MACC1: variants seen among roughly 807,000 people sequenced by gnomAD.
MACC1 encodes the protein MET transcriptional regulator MACC1, also known as metastasis-associated in colon cancer protein 1.
Under a neutral mutation model 70.7 loss-of-function variants are expected in MACC1, and 79 were observed. That is an observed-to-expected ratio of 1.12 (90% CI 0.93 to 1.35). MACC1 has a LOEUF of 1.35. Ranked by LOEUF, MACC1 falls within the 40% of genes most tolerant of loss-of-function variation. The probability of loss-of-function intolerance (pLI) is 0.00; values close to 1 mark genes in which losing one functional copy is unlikely to be tolerated. For missense variants in MACC1, 1,106 were observed against 978.1 expected, an observed-to-expected ratio of 1.13 and a Z score of -1.74; for synonymous variants, 361 against 347.2, an observed-to-expected ratio of 1.04 and a Z score of -0.44.
At chr7:20,198,176 A>G (rs978516546) in intron 1 of MACC1, among the ~76,000 whole-genome samples, 1 of 152,196 alleles carries the variant, frequency 6.6e-6, no homozygotes, top group Admixed American at 6.5e-5. Flanking sequence ...AGGGCATGTG[A>G]TATGTGGGTA....
At position 20,159,297 on chromosome 7, in the gene MACC1, A is replaced by G; in HGVS notation, c.1064T>C (p.Leu355Pro). The G allele has an allele frequency of 6.2e-7, 1 of 1,614,068 alleles. No homozygotes were observed. Among genetic ancestry groups the G allele is most frequent in the Non-Finnish European group, 8.5e-7 (1 of 1,180,008 alleles). ...CCAAATGGTGGCAGCTGGTGACGGA[A>G]GAGCTTTAGCTTGTGCAGCAACCAC... is the stretch of plus-strand genomic sequence containing the variant. ...YLVVAAQAKA[L>P]PSPAATIWDY... The change falls in exon 5 of 7, where the codon CTT becomes CCT. Residue 355 changes from leucine to proline, a missense_variant. Leu to Pro is a moderately conservative substitution (Grantham distance 98, BLOSUM62 -3). Transcript: ENST00000400331.
At chr7:20,177,292 A>T (rs1782408815) in intron 1 of MACC1, among the ~76,000 whole-genome samples, 1 of 152,184 alleles carries the variant, frequency 6.6e-6, no homozygotes, top group African/African-American at 2.4e-5. Context: ...TTTGTATCTA[A>T]TTATATCAAC....
At chr7:20,157,783 A>G (rs1287680502) in intron 5 of MACC1, among the ~76,000 whole-genome samples, 1 of 151,298 alleles carries the variant, frequency 6.6e-6, no homozygotes, top group Non-Finnish European at 1.5e-5. Flanking sequence ...AAAAAAAAAA[A>G]AAAAAGAAAG....
At chr7:20,144,753 G>A (rs559048335) in intron 6 of MACC1, among the ~76,000 whole-genome samples, 1 of 152,028 alleles carries the variant, frequency 6.6e-6, no homozygotes, top group Non-Finnish European at 1.5e-5. Context: ...GACAGACAAG[G>A]GTTTAGCATC....
intron 2 of MACC1, among the ~76,000 whole-genome samples, chr7:20,169,413 A>G (rs1782267947): frequency 6.6e-6 from 1 of 152,230 alleles, no homozygotes; most frequent in African/African-American, 2.4e-5. Flanking sequence ...AAAGGTATAA[A>G]GATCAACCCC....
intron 6 of MACC1, among the ~76,000 whole-genome samples, chr7:20,150,166 A>T (rs1251597819): frequency 4.6e-5 from 7 of 152,222 alleles, no homozygotes; most frequent in African/African-American, 1.4e-4. Flanking sequence ...TTCAAATATT[A>T]ACAGTTTATC....
chr7:20,183,775 C>A (rs1020995562), intron 1 of MACC1, among the ~76,000 whole-genome samples: 1 of 146,066 alleles, frequency 6.8e-6, no homozygotes, highest in Admixed American at 7.0e-5. Context: ...GTGGCATGAT[C>A]TCACCTCACT....
intron 1 of MACC1, among the ~76,000 whole-genome samples, chr7:20,177,086 A>T (rs1782404729): frequency 6.6e-6 from 1 of 152,128 alleles, no homozygotes; most frequent in Non-Finnish European, 1.5e-5. Context: ...CCTGGTTTTG[A>T]TATTGTGCTA....
intron 1 of MACC1, 42 bp from the exon 2 acceptor site, chr7:20,170,820 A>G (rs1445262287): frequency 2.6e-5 from 4 of 152,258 alleles, no homozygotes; most frequent in Non-Finnish European, 4.4e-5. Context: ...GTCACTGTTA[A>G]GTGAAAACAG....
intron 6 of MACC1, among the ~76,000 whole-genome samples, chr7:20,150,012 A>G (rs1781951516): frequency 6.6e-6 from 1 of 152,204 alleles, no homozygotes; most frequent in Non-Finnish European, 1.5e-5. Flanking sequence ...AGATGGCTAT[A>G]ATGTTTTCCT....
intron 6 of MACC1, among the ~76,000 whole-genome samples, chr7:20,142,907 A>T (rs1277259556): frequency 6.6e-6 from 1 of 152,226 alleles, no homozygotes. Context: ...GACTGTTCTA[A>T]GTCTGCTAGT....
At chr7:20,188,034 C>T (rs1247989021) in intron 1 of MACC1, among the ~76,000 whole-genome samples, 1 of 152,150 alleles carries the variant, frequency 6.6e-6, no homozygotes, top group Non-Finnish European at 1.5e-5. Flanking sequence ...ACACATCCTT[C>T]ACATGATAGC....
intron 1 of MACC1, among the ~76,000 whole-genome samples, chr7:20,178,727 A>G (rs955213518): frequency 2.0e-5 from 3 of 152,080 alleles, no homozygotes; most frequent in African/African-American, 7.2e-5. Context: ...AGCCTTCCTG[A>G]GTAGCTGGGA....
intron 5 of MACC1, among the ~76,000 whole-genome samples, chr7:20,154,582 G>C (rs186732091): frequency 1.3e-5 from 2 of 152,258 alleles, no homozygotes; most frequent in East Asian, 3.9e-4. Context: ...AACTAAGCCA[G>C]AGTTAGGGGA....
chr7:20,145,264 T>C (rs1355496828), intron 6 of MACC1, among the ~76,000 whole-genome samples: 1 of 152,134 alleles, frequency 6.6e-6, no homozygotes, highest in African/African-American at 2.4e-5. Context: ...AAGAAAAACT[T>C]GGCAAATCCA....
intron 5 of MACC1, among the ~76,000 whole-genome samples, chr7:20,156,906 C>T (rs1350802872): frequency 1.3e-5 from 2 of 152,222 alleles, no homozygotes; most frequent in Non-Finnish European, 2.9e-5. Flanking sequence ...TTACCTTCTA[C>T]AGAGCACCAG....
rs1164817894 is a variant in MACC1 at position 20,136,913 on chromosome 7, A to C, written c.*4033T>G. On this transcript the variant is annotated 3_prime_UTR_variant, in exon 7 of 7. Transcript: ENST00000400331. ...TAAATTATATTATTAATTCTTAAAGATTATTAATTATAATATTAAATTATA... is the reference window on the plus strand; with the variant it reads ...TAAATTATATTATTAATTCTTAAAGCTTATTAATTATAATATTAAATTATA... The C allele has an allele frequency of 1.4e-5, 2 of 147,968 alleles. No individual in the cohort carries two copies. Among genetic ancestry groups the C allele is most frequent in the Non-Finnish European group, 3.0e-5 (2 of 67,114 alleles). The allele number at this position is 147,968 out of a possible 1,614,324, so 9.2% of individuals were successfully genotyped here. A position where few individuals can be genotyped will look rare whatever the true frequency, so the allele number is the denominator to read the frequency against.
chr7:20,197,720 A>G (rs994754606), intron 1 of MACC1, among the ~76,000 whole-genome samples: 8 of 152,230 alleles, frequency 5.3e-5, no homozygotes, highest in African/African-American at 1.9e-4. Flanking sequence ...TAGATCACGG[A>G]AAGTTTAAGA....
chr7:20,192,609 A>G (rs928126583), intron 1 of MACC1, among the ~76,000 whole-genome samples: 2 of 152,202 alleles, frequency 1.3e-5, no homozygotes, highest in Non-Finnish European at 2.9e-5. Flanking sequence ...AGAATCACCC[A>G]GAGAATCCCT....
Sources: allele counts gnomAD v4.1 joint callset (sites outside exome capture counted in the v4.1 genomes callset), GRCh38; gene constraint gnomAD v4.1.1; transcripts MANE v1.5; gene names NCBI Gene and HGNC (gene_info 2026-07-23, HGNC 2026-07-21).